CELF4: variants seen among roughly 807,000 people sequenced by gnomAD.
CELF4 encodes CUGBP Elav-like family member 4.
CELF4 carries 18 observed loss-of-function variants against 59.9 expected under a neutral mutation model. That is an observed-to-expected ratio of 0.30 (90% CI 0.21 to 0.45). CELF4 has a LOEUF of 0.45. CELF4 is among the 20% of genes least tolerant of loss of function. CELF4 has a pLI of 1.00. For synonymous variants in CELF4, 261 were observed against 267.1 expected, an observed-to-expected ratio of 0.98 and a Z score of 0.22; for missense variants, 456 against 689.0, an observed-to-expected ratio of 0.66 and a Z score of 3.79.
At chr18:37,398,728 G>A (rs2099277026) in intron 2 of CELF4, among the ~76,000 whole-genome samples, 1 of 152,154 alleles carries the variant, frequency 6.6e-6, no homozygotes, top group African/African-American at 2.4e-5. Flanking sequence ...AGGCGTGGGG[G>A]TTCCGGAGAG....
intron 2 of CELF4, among the ~76,000 whole-genome samples, chr18:37,356,722 T>C (rs1384051456): frequency 1.3e-5 from 2 of 152,198 alleles, no homozygotes; most frequent in African/African-American, 4.8e-5. Context: ...CAAAAGCTAT[T>C]AAAGGAAAGG....
chr18:37,509,666 G>GC (rs1393840073), intron 1 of CELF4, among the ~76,000 whole-genome samples: 4 of 152,200 alleles, frequency 2.6e-5, no homozygotes, highest in African/African-American at 9.6e-5. Flanking sequence ...CTAGGTATAT[G>GC]CCCCAAAGAA....
intron 2 of CELF4, among the ~76,000 whole-genome samples, chr18:37,415,702 G>A (rs1427477238): frequency 6.6e-6 from 1 of 152,184 alleles, no homozygotes; most frequent in East Asian, 1.9e-4. Flanking sequence ...TGTATATGGA[G>A]CCTGACGATT....
chr18:37,287,131 G>A lies in CELF4; in HGVS notation c.449-11888C>T, dbSNP rs1257554265. 4.6e-5 allele frequency among the ~76,000 whole-genome samples: 7 copies of A among 152,272 alleles called. No homozygotes were observed. The East Asian group carries it at 5.8e-4, about 13-fold the overall frequency. On this transcript the variant is annotated intron_variant, in intron 3 of 12. Transcript: ENST00000420428. The stretch of plus-strand genomic sequence containing the variant: ...AGCCAGGTGACTCGGGCTGGCCCCC[G>A]AGATACGGATTTGAGGGATTGGTTG...
At chr18:37,495,428 GT>G (rs1408502599) in intron 1 of CELF4, among the ~76,000 whole-genome samples, 1 of 152,094 alleles carries the variant, frequency 6.6e-6, no homozygotes, top group Non-Finnish European at 1.5e-5. Context: ...CTCTTGGCCT[GT>G]TTTTTCAGAA....
At chr18:37,275,481 A>G (rs1476560763) in intron 3 of CELF4, among the ~76,000 whole-genome samples, 2 of 152,016 alleles carry the variant, frequency 1.3e-5, no homozygotes, top group African/African-American at 4.8e-5. Context: ...ACAGGTGCGG[A>G]GAGAGCTGTG....
At chr18:37,350,235 C>T (rs917950531) in intron 2 of CELF4, among the ~76,000 whole-genome samples, 2 of 152,206 alleles carry the variant, frequency 1.3e-5, no homozygotes, top group Non-Finnish European at 2.9e-5. Flanking sequence ...CTGCAGCACA[C>T]AGCTTAACAT....
At chr18:37,371,913 TAC>T (rs1055910233) in intron 2 of CELF4, among the ~76,000 whole-genome samples, 58 of 152,336 alleles carry the variant, frequency 3.8e-4, no homozygotes, top group African/African-American at 1.2e-3. Flanking sequence ...CAGCTCTGAG[TAC>T]ACTCTTCTTA....
chr18:37,429,909 C>T (rs1038015340), intron 2 of CELF4, among the ~76,000 whole-genome samples: 2 of 152,206 alleles, frequency 1.3e-5, no homozygotes, highest in Non-Finnish European at 2.9e-5. Flanking sequence ...ACCTGCACTT[C>T]CTGCCTCCCA....
intron 2 of CELF4, among the ~76,000 whole-genome samples, chr18:37,322,708 C>T (rs1381983943): frequency 1.3e-5 from 2 of 152,198 alleles, no homozygotes; most frequent in East Asian, 3.9e-4. Context: ...CCGGAGGTCT[C>T]AGAGTGGTTT....
chr18:37,267,820 G>C (rs2078416852), intron 8 of CELF4, among the ~76,000 whole-genome samples: 1 of 152,144 alleles, frequency 6.6e-6, no homozygotes, highest in African/African-American at 2.4e-5. Flanking sequence ...TGGATCATCT[G>C]AGGTCAGGAG....
intron 3 of CELF4, among the ~76,000 whole-genome samples, chr18:37,320,163 C>A (rs1022116158): frequency 6.6e-6 from 1 of 152,106 alleles, no homozygotes; most frequent in African/African-American, 2.4e-5. Context: ...CAGTGAAACC[C>A]CATCTCTACT....
intron 3 of CELF4, among the ~76,000 whole-genome samples, chr18:37,286,509 GAC>G (rs1189955092): frequency 6.6e-6 from 1 of 152,202 alleles, no homozygotes; most frequent in Non-Finnish European, 1.5e-5. Flanking sequence ...CATCGCCAGA[GAC>G]ACAGTGAAAA....
At chr18:37,499,930 C>T (rs745813928) in intron 1 of CELF4, among the ~76,000 whole-genome samples, 12 of 152,148 alleles carry the variant, frequency 7.9e-5, no homozygotes, top group African/African-American at 2.9e-4. Flanking sequence ...CTTTTACACA[C>T]CAGGGAAAGG....
At chr18:37,288,017 G>A (rs959412216) in intron 3 of CELF4, among the ~76,000 whole-genome samples, 1 of 152,166 alleles carries the variant, frequency 6.6e-6, no homozygotes, top group East Asian at 1.9e-4. Context: ...CACCTGCTGG[G>A]GTGCTGACTC....
At chr18:37,343,653 T>C (rs2098138807) in intron 2 of CELF4, among the ~76,000 whole-genome samples, 3 of 152,034 alleles carry the variant, frequency 2.0e-5, no homozygotes, top group Admixed American at 2.0e-4. Flanking sequence ...ACTGCCTGAC[T>C]GCAAGCTGGG....
intron 1 of CELF4, among the ~76,000 whole-genome samples, chr18:37,515,978 G>A (rs1039559830): frequency 6.6e-6 from 1 of 152,128 alleles, no homozygotes; most frequent in Admixed American, 6.5e-5. Context: ...GTGCATGGAG[G>A]CACTTGATGC....
At chr18:37,330,233 A>G (rs2097491026) in intron 2 of CELF4, among the ~76,000 whole-genome samples, 1 of 152,084 alleles carries the variant, frequency 6.6e-6, no homozygotes. Context: ...TAATGATGAA[A>G]TTATTTGTTT....
intron 2 of CELF4, among the ~76,000 whole-genome samples, chr18:37,351,070 C>T (rs2098429326): frequency 6.6e-6 from 1 of 152,120 alleles, no homozygotes; most frequent in Non-Finnish European, 1.5e-5. Flanking sequence ...TAGTATAGCT[C>T]TTCTCATTAA....
Sources: allele counts gnomAD v4.1 joint callset (sites outside exome capture counted in the v4.1 genomes callset), GRCh38; gene constraint gnomAD v4.1.1; transcripts MANE v1.5; gene names NCBI Gene and HGNC (gene_info 2026-07-23, HGNC 2026-07-21).